CUBN: variants seen among roughly 807,000 people sequenced by gnomAD.
CUBN encodes the protein cubilin, also known as 460 kDa receptor.
CUBN carries 282 observed loss-of-function variants against 405.3 expected under a neutral mutation model. The ratio of observed to expected loss-of-function variants is 0.70; its 90% CI spans 0.63 to 0.77. CUBN has a LOEUF of 0.77. CUBN is among the 30% of genes least tolerant of loss of function. The pLI is 0.00. For synonymous variants in CUBN, 1,684 were observed against 1,617.0 expected, an observed-to-expected ratio of 1.04 and a Z score of -0.99; for missense variants, 4,514 against 4,475.2, an observed-to-expected ratio of 1.01 and a Z score of -0.25.
At chr10:17,088,082 G>T (rs2131869149) in intron 15 of CUBN, 82 bp downstream of exon 15, 3 of 1,069,254 alleles carry the variant, frequency 2.8e-6, no homozygotes, top group Non-Finnish European at 4.3e-6. Flanking sequence ...ATATTTTGGG[G>T]TCATCCATGG....
intron 59 of CUBN, among the ~76,000 whole-genome samples, chr10:16,852,030 C>A (rs1839715910): frequency 8.8e-6 from 1 of 113,988 alleles, no homozygotes; most frequent in African/African-American, 3.6e-5. Flanking sequence ...CTATCTTTCC[C>A]TCCCTCCCTC....
intron 40 of CUBN, among the ~76,000 whole-genome samples, chr10:16,932,795 T>C (rs1304644621): frequency 4.6e-5 from 7 of 152,186 alleles, no homozygotes; most frequent in East Asian, 1.9e-4. Flanking sequence ...GGTATCTCAA[T>C]AGGACAGGTG....
At chr10:16,959,472 T>C (rs1843159237) in intron 31 of CUBN, among the ~76,000 whole-genome samples, 1 of 151,858 alleles carries the variant, frequency 6.6e-6, no homozygotes, top group Non-Finnish European at 1.5e-5. Context: ...CTACTAAAAA[T>C]ACAAAATTAG....
chr10:17,098,983 A>C (rs866107866), intron 14 of CUBN, among the ~76,000 whole-genome samples: 43 of 152,182 alleles, frequency 2.8e-4, no homozygotes, highest in African/African-American at 1.0e-3. Flanking sequence ...ATTTCTTCCA[A>C]AGTTAATTAT....
chr10:17,086,033 T>C (rs1055225182), intron 15 of CUBN, among the ~76,000 whole-genome samples: 1 of 150,600 alleles, frequency 6.6e-6, no homozygotes, highest in African/African-American at 2.5e-5. Context: ...TGGTGCGATC[T>C]CAGCTGACTG....
intron 25 of CUBN, among the ~76,000 whole-genome samples, chr10:17,044,461 C>A (rs938654574): frequency 6.6e-6 from 1 of 151,978 alleles, no homozygotes; most frequent in African/African-American, 2.4e-5. Context: ...AGCGTGTGAG[C>A]TTACACTGAA....
chr10:16,940,123 A>G lies in CUBN; in HGVS notation c.5457T>C (p.Asn1819=). 6.2e-7 allele frequency: 1 copy of G among 1,614,168 alleles called. No individual in the cohort carries two copies. Among genetic ancestry groups the G allele is most frequent in the Non-Finnish European group, 8.5e-7 (1 of 1,180,008 alleles). The part of the protein sequence containing the change: ...GRYCGNSFPL[N]YSSIVGHTLW... ...GGGTATGTCCAACGATGGAAGAATA[A>G]TTGAGAGGGAAGGAGTTTCCACAGT... is the stretch of plus-strand genomic sequence containing the variant. The change falls in exon 37 of 67, where the codon AAT becomes AAC. Residue 1819 remains asparagine, a synonymous_variant. Coordinates refer to ENST00000377833, the MANE Select transcript of CUBN (RefSeq NM_001081.4).
chr10:16,973,058 C>G (rs1832981690), intron 31 of CUBN, among the ~76,000 whole-genome samples: 1 of 152,190 alleles, frequency 6.6e-6, no homozygotes, highest in African/African-American at 2.4e-5. Flanking sequence ...TGACTCCATA[C>G]TACCTATAGG....
intron 56 of CUBN, among the ~76,000 whole-genome samples, chr10:16,880,397 T>C (rs530978501): frequency 3.3e-5 from 5 of 152,272 alleles, no homozygotes; most frequent in Admixed American, 6.5e-5. Context: ...GAGCCAAAGA[T>C]ACTAAACTTA....
At chr10:16,985,486 T>C (rs1833391423) in intron 29 of CUBN, among the ~76,000 whole-genome samples, 1 of 152,216 alleles carries the variant, frequency 6.6e-6, no homozygotes, top group African/African-American at 2.4e-5. Context: ...TTCAAGTCCG[T>C]GTGTGACCTG....
chr10:16,880,080 G>C lies in CUBN; in HGVS notation c.8906-2983C>G, dbSNP rs139638901. On this transcript the variant is annotated intron_variant, in intron 56 of 66. Coordinates refer to ENST00000377833, the MANE Select transcript of CUBN (RefSeq NM_001081.4). ...TGACATAATTAAAATGCTGAATTGA[G>C]AGATTTGAGGCACACCCAACTTTGA... Among the ~76,000 whole-genome samples the C allele has an allele frequency of 8.1e-4, 123 of 152,262 alleles. 1 individual carries two copies. The highest frequency in any genetic ancestry group is 1.8e-3 in the Admixed American group (28 of 15,290).
At chr10:16,963,247 T>C (rs1249228711) in intron 31 of CUBN, among the ~76,000 whole-genome samples, 2 of 129,760 alleles carry the variant, frequency 1.5e-5, no homozygotes, top group Non-Finnish European at 3.1e-5. Context: ...CAGGTTGGAG[T>C]GCAGTGGTGC....
At chr10:16,904,305 A>G (rs891142820) in intron 50 of CUBN, among the ~76,000 whole-genome samples, 190 bp from the exon 51 acceptor site, 9 of 152,378 alleles carry the variant, frequency 5.9e-5, no homozygotes, top group Non-Finnish European at 8.8e-5. Context: ...GGGGTAAAAC[A>G]AACACAAAAA....
At chr10:17,034,235 G>T (rs188338516) in intron 27 of CUBN, among the ~76,000 whole-genome samples, 10 of 152,150 alleles carry the variant, frequency 6.6e-5, no homozygotes, top group Non-Finnish European at 1.2e-4. Context: ...CAAGGTGCCC[G>T]ATAAGGAAAA....
chr10:17,020,732 A>G (rs1834471616), intron 27 of CUBN, among the ~76,000 whole-genome samples: 1 of 152,292 alleles, frequency 6.6e-6, no homozygotes, highest in African/African-American at 2.4e-5. Flanking sequence ...CATTGAACAT[A>G]TCACTTAATT....
intron 57 of CUBN, 40 bp from the exon 58 acceptor site, chr10:16,874,543 T>C (rs1369524384): frequency 7.4e-6 from 12 of 1,612,700 alleles, no homozygotes; most frequent in African/African-American, 1.3e-5. Context: ...GAACAACGAT[T>C]AGTCCCAGCA....
At position 16,858,058 on chromosome 10, in the gene CUBN, T is replaced by C. The variant is rs371187917; in HGVS notation, c.9455-6615A>G. ...CAAAATTAAAAAACAATACCATTTATAATCATTACAAAAAAATGAAATATT... is the reference window on the plus strand; with the variant it reads ...CAAAATTAAAAAACAATACCATTTACAATCATTACAAAAAAATGAAATATT... On this transcript the variant is annotated intron_variant, in intron 59 of 66. Transcript: ENST00000377833. Among the ~76,000 whole-genome samples, 5 of 152,202 alleles carry C rather than the reference T, an allele frequency of 3.3e-5. No individual in the cohort carries two copies. The East Asian group carries it at 9.6e-4, about 29-fold the overall frequency.
intron 31 of CUBN, among the ~76,000 whole-genome samples, chr10:16,957,209 C>A (rs1453123710): frequency 6.6e-6 from 1 of 152,194 alleles, no homozygotes; most frequent in Non-Finnish European, 1.5e-5. Context: ...CCGTCCCCAG[C>A]CTCTGGTAAC....
intron 31 of CUBN, among the ~76,000 whole-genome samples, chr10:16,963,075 A>T (rs1843279030): frequency 6.6e-6 from 1 of 152,140 alleles, no homozygotes; most frequent in Admixed American, 6.5e-5. Context: ...GTAAAGATCA[A>T]ATAAGACAAT....
Sources: allele counts gnomAD v4.1 joint callset (sites outside exome capture counted in the v4.1 genomes callset), GRCh38; gene constraint gnomAD v4.1.1; transcripts MANE v1.5; gene names NCBI Gene and HGNC (gene_info 2026-07-23, HGNC 2026-07-21).